The following LYST variants were observed in gnomAD, a reference collection of about 807,000 sequenced individuals.
LYST encodes the protein lysosomal trafficking regulator, also known as lysosomal-trafficking regulator.
LYST carries 192 observed loss-of-function variants against 413.6 expected under a neutral mutation model. That is an observed-to-expected ratio of 0.46 (90% CI 0.41 to 0.52). The LOEUF (loss-of-function observed/expected upper bound fraction) is 0.52, where lower values mean the gene tolerates loss of function less well. LYST is among the 20% of genes least tolerant of loss of function. The pLI is 0.00. For synonymous variants in LYST, 1,525 were observed against 1,567.3 expected, an observed-to-expected ratio of 0.97 and a Z score of 0.64; for missense variants, 3,815 against 4,499.9, an observed-to-expected ratio of 0.85 and a Z score of 4.35.
chr1:235,691,693 TTC>T lies in LYST; in HGVS notation c.10701+1655_10701+1656del, dbSNP rs1054332548. ...GTCTGTAAGTACTATAAACATCAGA[TTC>T]TCTCTTTTTTTTTTTTTTGAGATGG... On this transcript the variant is annotated intron_variant, in intron 47 of 52. Coordinates refer to ENST00000389793, the MANE Select transcript of LYST (RefSeq NM_000081.4). 1.2e-4 allele frequency among the ~76,000 whole-genome samples: 13 copies of T among 109,032 alleles called. 1 individual carries two copies. Among genetic ancestry groups the T allele is most frequent in the Admixed American group, 2.3e-4 (3 of 12,914 alleles). 71.5% of individuals were successfully genotyped at this position (109,032 alleles called of 152,430 possible).
At position 235,813,460 on chromosome 1, in the gene LYST, A is replaced by C. The variant is rs556587814; in HGVS notation, c.193-399T>G. Among the ~76,000 whole-genome samples the C allele has an allele frequency of 6.6e-5, 10 of 152,334 alleles. No individual in the cohort carries two copies. The South Asian group carries it at 8.3e-4, about 13-fold the overall frequency. On this transcript the variant is annotated intron_variant, in intron 3 of 52. Transcript: ENST00000389793. ...AAAATGTGAAGCCTTCATGCAGTTAAATGAAAAACTCAGAGACGATTTTAA... is the reference window on the plus strand; with the variant it reads ...AAAATGTGAAGCCTTCATGCAGTTACATGAAAAACTCAGAGACGATTTTAA...
At chr1:235,849,814 A>G (rs1214914049) in intron 1 of LYST, among the ~76,000 whole-genome samples, 1 of 151,332 alleles carries the variant, frequency 6.6e-6, no homozygotes, top group Non-Finnish European at 1.5e-5. Context: ...GAAGACACCT[A>G]ACAAAGGAAT....
At chr1:235,717,295 G>A (rs142689486) in intron 40 of LYST, among the ~76,000 whole-genome samples, 230 of 152,288 alleles carry the variant, frequency 1.5e-3, no homozygotes, top group African/African-American at 5.1e-3. Context: ...TGGAGACTGA[G>A]AACTGAAATA....
chr1:235,723,440 C>T (rs966631424), intron 39 of LYST, among the ~76,000 whole-genome samples: 22 of 152,066 alleles, frequency 1.4e-4, no homozygotes, highest in African/African-American at 5.1e-4. Flanking sequence ...GCGTCTGCAA[C>T]CAAGACTGAG....
chr1:235,698,409 TATC>T (rs1226765119), intron 45 of LYST, among the ~76,000 whole-genome samples: 1 of 152,188 alleles, frequency 6.6e-6, no homozygotes, highest in African/African-American at 2.4e-5. Context: ...TGTTAAATGA[TATC>T]ATAGTGGTCT....
In LYST at chr1:235,755,662, T is replaced by C; in HGVS notation, c.7060-15A>G. The C allele has an allele frequency of 6.9e-7, 1 of 1,453,870 alleles. No individual in the cohort carries two copies. Among genetic ancestry groups the C allele is most frequent in the Non-Finnish European group, 9.7e-7 (1 of 1,035,268 alleles). The allele number at this position is 1,453,870 out of a possible 1,614,324, so 90.1% of individuals were successfully genotyped here. A position where few individuals can be genotyped will look rare whatever the true frequency, so the allele number is the denominator to read the frequency against. ...GCATCTAATAGCTAAACAAAAAATT[T>C]AAGTCAATTTAGATAATGCATTAAA... On this transcript the variant is annotated splice_polypyrimidine_tract_variant and intron_variant, in intron 24 of 52. Coordinates refer to ENST00000389793, the MANE Select transcript of LYST (RefSeq NM_000081.4).
At chr1:235,868,393 T>A (rs1680754270), upstream of LYST, among the ~76,000 whole-genome samples, 1 of 152,214 alleles carries the variant, frequency 6.6e-6, no homozygotes. Flanking sequence ...AAACTTAACC[T>A]GTTTCGTCAT....
intron 20 of LYST, among the ~76,000 whole-genome samples, chr1:235,766,505 A>C (rs1260536707): frequency 1.3e-5 from 2 of 152,128 alleles, no homozygotes; most frequent in African/African-American, 4.8e-5. Context: ...ATTCTAGCCC[A>C]TGTATCTTAA....
chr1:235,866,909 T>TGCCGCCGCC (rs990312277), upstream of LYST: 3 of 153,102 alleles, frequency 2.0e-5, no homozygotes, highest in African/African-American at 7.3e-5. Context: ...CCGACGCCGC[T>TGCCGCCGCC]GCCGCCGCCG....
At chr1:235,738,805 G>A (rs545628014) in intron 31 of LYST, 10 of 855,406 alleles carry the variant, frequency 1.2e-5, no homozygotes, top group African/African-American at 5.0e-5. Flanking sequence ...AATCTTAGGC[G>A]GGTGCACCCA....
upstream of LYST, among the ~76,000 whole-genome samples, chr1:235,870,779 C>G (rs1239047664): frequency 6.6e-6 from 1 of 152,130 alleles, no homozygotes; most frequent in Non-Finnish European, 1.5e-5. Context: ...GTGCCTGGCA[C>G]TTAGTAGGCA....
intron 29 of LYST, among the ~76,000 whole-genome samples, chr1:235,745,790 CTACA>C (rs1418716995): frequency 6.6e-6 from 1 of 152,098 alleles, no homozygotes; most frequent in African/African-American, 2.4e-5. Flanking sequence ...TTCCAAAAGG[CTACA>C]TACTGTACGC....
intron 14 of LYST, 152 bp from the exon 15 acceptor site, chr1:235,782,239 G>A (rs1338385384): frequency 1.7e-5 from 11 of 656,940 alleles, no homozygotes; most frequent in Non-Finnish European, 2.8e-5. Flanking sequence ...CACGATCTCA[G>A]CTCACTGCAA....
At chr1:235,712,021 T>A (rs1168087072) in intron 43 of LYST, 36 bp downstream of exon 43, 2 of 1,478,936 alleles carry the variant, frequency 1.4e-6, no homozygotes, top group African/African-American at 2.8e-5. Flanking sequence ...CCACAAGCCC[T>A]CAGAAATATA....
At position 235,759,136 on chromosome 1, in the gene LYST, G is replaced by C; in HGVS notation, c.6717C>G (p.Ser2239Arg). 6.2e-7 allele frequency: 1 copy of C among 1,614,180 alleles called. No individual in the cohort carries two copies. The highest frequency in any genetic ancestry group is 8.5e-7 in the Non-Finnish European group (1 of 1,180,028). ...GCCCAAGGCTTGCAATAGTGCTGTG[G>C]CTTCGCTGGAAGGAGGCCAATCCCT... Reference protein sequence around the residue: ...YLKGLASFQRSHSTIASLGLA... With the variant: ...YLKGLASFQRRHSTIASLGLA... The change falls in exon 23 of 53, where the codon AGC (serine) becomes AGG (arginine). Residue 2239 changes from serine to arginine, a missense_variant. Physicochemically the swap from Ser to Arg is moderately radical, Grantham distance 110. This residue lies in a region of LYST where 771 missense variants were observed against 837.1 expected (regional missense o/e 0.92). Coordinates refer to ENST00000389793, the MANE Select transcript of LYST (RefSeq NM_000081.4).
At chr1:235,743,846 A>C in intron 30 of LYST, 133 bp downstream of exon 30, 1 of 593,226 alleles carries the variant, frequency 1.7e-6, no homozygotes, top group Non-Finnish European at 3.0e-6. Context: ...TAAAAATTCA[A>C]GTTGTCCGAG....
At chr1:235,820,236 G>A (rs975323865) in intron 3 of LYST, among the ~76,000 whole-genome samples, 8 of 152,310 alleles carry the variant, frequency 5.3e-5, no homozygotes, top group Admixed American at 2.6e-4. Context: ...ATCACAAACC[G>A]GACTGATGTC....
intron 1 of LYST, among the ~76,000 whole-genome samples, chr1:235,858,174 G>A (rs1269533525): frequency 6.6e-6 from 1 of 152,152 alleles, no homozygotes; most frequent in East Asian, 1.9e-4. Context: ...GCATGGTTTA[G>A]TAGTCAGGCA....
intron 42 of LYST, chr1:235,712,894 A>T (rs748826930): frequency 1.5e-5 from 15 of 985,194 alleles, no homozygotes; most frequent in Non-Finnish European, 1.7e-5. Context: ...CTTTCTAGCC[A>T]TAGGGAAAGG....
Sources: allele counts gnomAD v4.1 joint callset (sites outside exome capture counted in the v4.1 genomes callset), GRCh38; gene constraint gnomAD v4.1.1; regional missense constraint gnomAD v4.1.1; transcripts MANE v1.5; gene names NCBI Gene and HGNC (gene_info 2026-07-23, HGNC 2026-07-21).